LRRTM4: variants seen among roughly 807,000 people sequenced by gnomAD.
The protein encoded by LRRTM4 is leucine rich repeat transmembrane neuronal 4, also known as leucine-rich repeat transmembrane neuronal protein 4.
LRRTM4 carries 25 observed loss-of-function variants against 47.6 expected under a neutral mutation model. That is an observed-to-expected ratio of 0.53 (90% CI 0.38 to 0.73). The LOEUF is 0.73. LRRTM4 is among the 30% of genes least tolerant of loss of function. The probability of loss-of-function intolerance (pLI) is 0.00; values close to 1 mark genes in which losing one functional copy is unlikely to be tolerated. For missense variants in LRRTM4, 638 were observed against 713.4 expected, an observed-to-expected ratio of 0.89 and a Z score of 1.20; for synonymous variants, 311 against 269.5, an observed-to-expected ratio of 1.15 and a Z score of -1.51.
At chr2:77,450,415 A>T (rs1323999859) in intron 3 of LRRTM4, among the ~76,000 whole-genome samples, 1 of 152,162 alleles carries the variant, frequency 6.6e-6, no homozygotes, top group Non-Finnish European at 1.5e-5. Context: ...TATACTTGAA[A>T]TCCATTAGTC....
chr2:77,343,690 C>G (rs945490781), intron 3 of LRRTM4, among the ~76,000 whole-genome samples: 13 of 151,958 alleles, frequency 8.6e-5, no homozygotes, highest in Non-Finnish European at 1.9e-4. Context: ...TTATGAAGCA[C>G]CTACTCTGTC....
intron 3 of LRRTM4, among the ~76,000 whole-genome samples, chr2:76,840,950 A>G (rs1049090455): frequency 3.3e-5 from 5 of 151,806 alleles, no homozygotes; most frequent in African/African-American, 7.3e-5. Context: ...ATTATAAATC[A>G]TGCTGCTATA....
At chr2:77,344,403 C>A (rs1671486392) in intron 3 of LRRTM4, among the ~76,000 whole-genome samples, 1 of 151,344 alleles carries the variant, frequency 6.6e-6, no homozygotes, top group Non-Finnish European at 1.5e-5. Flanking sequence ...AATTTTAGAA[C>A]TAAAAACAAT....
intron 3 of LRRTM4, chr2:77,518,041 G>A: frequency 8.6e-7 from 1 of 1,168,386 alleles, no homozygotes; most frequent in South Asian, 4.0e-5. Context: ...TCCAACCCCT[G>A]TATACAAATT....
At chr2:77,069,626 A>G (rs1680084347) in intron 3 of LRRTM4, among the ~76,000 whole-genome samples, 1 of 152,054 alleles carries the variant, frequency 6.6e-6, no homozygotes, top group Non-Finnish European at 1.5e-5. Context: ...TAGCTTGTGT[A>G]TTTCAAGAGA....
chr2:76,908,767 C>A, intron 3 of LRRTM4, among the ~76,000 whole-genome samples: 1 of 151,962 alleles, frequency 6.6e-6, no homozygotes, highest in Admixed American at 6.6e-5. Flanking sequence ...AATAAAATAC[C>A]TAGGAATCCA....
intron 3 of LRRTM4, among the ~76,000 whole-genome samples, chr2:77,328,793 T>C (rs1328116618): frequency 6.6e-6 from 1 of 152,130 alleles, no homozygotes; most frequent in Non-Finnish European, 1.5e-5. Flanking sequence ...TATAGGCACA[T>C]AAATTGAAAC....
chr2:77,079,964 T>C (rs970304788), intron 3 of LRRTM4, among the ~76,000 whole-genome samples: 2 of 152,110 alleles, frequency 1.3e-5, no homozygotes, highest in Non-Finnish European at 2.9e-5. Context: ...TAAACTGTTT[T>C]GTTCTTTTCC....
chr2:77,069,156 C>T (rs988682179), intron 3 of LRRTM4, among the ~76,000 whole-genome samples: 5 of 152,184 alleles, frequency 3.3e-5, no homozygotes, highest in Non-Finnish European at 7.3e-5. Flanking sequence ...CTGATTTCCA[C>T]TTTACCCCTC....
chr2:76,930,046 G>T (rs77239559), intron 3 of LRRTM4, among the ~76,000 whole-genome samples: 2,433 of 151,670 alleles, frequency 0.016, 65 homozygotes, highest in African/African-American at 0.056. Context: ...TTTATTTTTT[G>T]TATTTCTCTG....
At chr2:77,324,557 T>A (rs1670684191) in intron 3 of LRRTM4, among the ~76,000 whole-genome samples, 1 of 152,148 alleles carries the variant, frequency 6.6e-6, no homozygotes, top group South Asian at 2.1e-4. Context: ...AGCATTCACA[T>A]CAGCCCTGAG....
At position 76,806,206 on chromosome 2, in the gene LRRTM4, CAGAAAA is replaced by C. The variant is rs550954408; in HGVS notation, c.1552-57296_1552-57291del. Reference sequence around the variant, plus strand: ...TTTATTAAACAAATAACTAGGCACTCAGAAAAAGGAAAAGTGGAACCTACCTTAAAC... The same window carrying C: ...TTTATTAAACAAATAACTAGGCACTCAGGAAAAGTGGAACCTACCTTAAAC... On this transcript the variant is annotated intron_variant, in intron 3 of 3. Coordinates refer to ENST00000409884, the MANE Select transcript of LRRTM4 (RefSeq NM_001134745.3). Among the ~76,000 whole-genome samples, 393 of 152,170 alleles carry C rather than the reference CAGAAAA, an allele frequency of 2.6e-3. 2 individuals carry two copies. Among genetic ancestry groups the C allele is most frequent in the African/African-American group, 9.1e-3 (376 of 41,524 alleles).
intron 3 of LRRTM4, among the ~76,000 whole-genome samples, chr2:77,455,045 A>G (rs541315633): frequency 6.8e-4 from 104 of 152,174 alleles, no homozygotes; most frequent in African/African-American, 2.4e-3. Flanking sequence ...AAAATTAGCC[A>G]GATGTGGTGG....
At chr2:77,241,956 G>A (rs1314120650) in intron 3 of LRRTM4, among the ~76,000 whole-genome samples, 1 of 151,968 alleles carries the variant, frequency 6.6e-6, no homozygotes, top group African/African-American at 2.4e-5. Flanking sequence ...TATGTGAAAG[G>A]GCTTATTTCT....
intron 3 of LRRTM4, among the ~76,000 whole-genome samples, chr2:77,077,573 T>C (rs1177200238): frequency 6.6e-6 from 1 of 152,160 alleles, no homozygotes; most frequent in Non-Finnish European, 1.5e-5. Context: ...TAGAAGATTT[T>C]TCTTACTCAT....
Position 77,382,630 on chromosome 2 carries a change from A to C in LRRTM4, c.1551+135688T>G, listed in dbSNP as rs72917999. ...TGTCTGCTTCATGAAGTATGCAAAA[A>C]CAATTAGGAACTTATTCTCACAACA... On this transcript the variant is annotated intron_variant, in intron 3 of 3. Coordinates refer to ENST00000409884, the MANE Select transcript of LRRTM4 (RefSeq NM_001134745.3). Among the ~76,000 whole-genome samples, 457 of 152,204 alleles carry C rather than the reference A, an allele frequency of 3.0e-3. 2 individuals carry two copies. The highest frequency in any genetic ancestry group is 0.01 in the African/African-American group (420 of 41,566).
intron 3 of LRRTM4, among the ~76,000 whole-genome samples, chr2:77,411,461 T>G (rs1674425412): frequency 1.4e-5 from 2 of 142,854 alleles, no homozygotes; most frequent in Non-Finnish European, 3.1e-5. Flanking sequence ...CTTTTTTTTT[T>G]TTTTTTTTTG....
intron 3 of LRRTM4, among the ~76,000 whole-genome samples, chr2:77,067,468 T>TG (rs1284327051): frequency 1.3e-5 from 2 of 151,670 alleles, no homozygotes; most frequent in East Asian, 1.9e-4. Flanking sequence ...GCAGTGTGGG[T>TG]GGGGGGCTGG....
chr2:77,512,296 G>GA (rs1679051373), intron 3 of LRRTM4, among the ~76,000 whole-genome samples: 1 of 151,974 alleles, frequency 6.6e-6, no homozygotes, highest in African/African-American at 2.4e-5. Context: ...GATACCTTAG[G>GA]AAATACTGTG....
Sources: allele counts gnomAD v4.1 joint callset (sites outside exome capture counted in the v4.1 genomes callset), GRCh38; gene constraint gnomAD v4.1.1; transcripts MANE v1.5; gene names NCBI Gene and HGNC (gene_info 2026-07-23, HGNC 2026-07-21).